UXS1: variants seen among roughly 807,000 people sequenced by gnomAD.
UXS1 encodes UDP-glucuronic acid decarboxylase 1.
Under a neutral mutation model 62.6 loss-of-function variants are expected in UXS1, and 33 were observed. That is an observed-to-expected ratio of 0.53 (90% CI 0.40 to 0.70). The LOEUF (loss-of-function observed/expected upper bound fraction) is 0.70. Among genes scored for constraint, UXS1 ranks in the 30% least tolerant of loss-of-function variants. The pLI, the probability that UXS1 is intolerant of heterozygous loss-of-function variation, is 0.00. For synonymous variants in UXS1, 213 were observed against 206.8 expected (o/e 1.03, Z -0.26); for missense variants, 434 against 556.3 (o/e 0.78, Z 2.21).
intron 9 of UXS1, among the ~76,000 whole-genome samples, chr2:106,117,560 G>C (rs1314367976): frequency 6.6e-6 from 1 of 152,176 alleles, no homozygotes; most frequent in Non-Finnish European, 1.5e-5. Context: ...TTCGCTGACG[G>C]AAGGTTCTAT....
At chr2:106,138,752 C>G in intron 6 of UXS1, 1 of 985,448 alleles carries the variant, frequency 1.0e-6, no homozygotes, top group Non-Finnish European at 1.2e-6. Context: ...AGTTAAGTAG[C>G]GGCACTGCTG....
chr2:106,113,396 T>C (rs183541162), intron 9 of UXS1, among the ~76,000 whole-genome samples: 16 of 152,346 alleles, frequency 1.1e-4, no homozygotes, highest in Admixed American at 9.8e-4. Flanking sequence ...ATACTGACAC[T>C]GTTTAAATAG....
intron 5 of UXS1, among the ~76,000 whole-genome samples, chr2:106,153,238 G>C (rs956208112): frequency 6.6e-6 from 1 of 152,192 alleles, no homozygotes; most frequent in Admixed American, 6.5e-5. Flanking sequence ...CTGCCAAGGG[G>C]ATAGAATTTA....
chr2:106,153,486 G>T (rs531382498), intron 5 of UXS1, among the ~76,000 whole-genome samples: 1 of 151,718 alleles, frequency 6.6e-6, no homozygotes, highest in African/African-American at 2.4e-5. Context: ...TGGCGGGGAC[G>T]GAATAGGAAA....
chr2:106,162,812 G>T (rs2105055604), intron 4 of UXS1, among the ~76,000 whole-genome samples: 1 of 152,300 alleles, frequency 6.6e-6, no homozygotes, highest in East Asian at 1.9e-4. Context: ...TTTGTTTAAT[G>T]ACTCTTCTCC....
At chr2:106,108,343 A>G (rs749415945) in intron 10 of UXS1, among the ~76,000 whole-genome samples, 1 of 152,178 alleles carries the variant, frequency 6.6e-6, no homozygotes, top group Non-Finnish European at 1.5e-5. Flanking sequence ...CCCATCCAAA[A>G]TATCTGTCTT....
chr2:106,124,266 A>G (rs1340293290), intron 8 of UXS1, among the ~76,000 whole-genome samples: 2 of 152,212 alleles, frequency 1.3e-5, no homozygotes, highest in Non-Finnish European at 2.9e-5. Context: ...AGATGGTCAT[A>G]AATTTGACAA....
At chr2:106,113,778 G>A (rs538913192) in intron 9 of UXS1, among the ~76,000 whole-genome samples, 29 of 152,322 alleles carry the variant, frequency 1.9e-4, no homozygotes, top group African/African-American at 6.7e-4. Context: ...CTGCGCCCAT[G>A]TGTCCGCCGT....
intron 1 of UXS1, among the ~76,000 whole-genome samples, chr2:106,191,808 A>C (rs1347837894): frequency 6.6e-6 from 1 of 152,236 alleles, no homozygotes; most frequent in Non-Finnish European, 1.5e-5. Context: ...TTGATTCCTC[A>C]ACAAAACAAA....
chr2:106,186,204 A>C (rs1684537699), intron 1 of UXS1, among the ~76,000 whole-genome samples: 1 of 152,172 alleles, frequency 6.6e-6, no homozygotes, highest in African/African-American at 2.4e-5. Context: ...AGGTGGCAAG[A>C]ATCACTCCAC....
intron 1 of UXS1, among the ~76,000 whole-genome samples, chr2:106,170,165 C>T (rs1181471683): frequency 2.0e-5 from 3 of 152,194 alleles, no homozygotes; most frequent in African/African-American, 7.2e-5. Context: ...CCCCTGCAAG[C>T]AGCCCCCTGC....
chr2:106,114,855 C>T (rs1678938597), intron 9 of UXS1, among the ~76,000 whole-genome samples: 1 of 152,210 alleles, frequency 6.6e-6, no homozygotes, highest in Non-Finnish European at 1.5e-5. Flanking sequence ...AGACAAGCTA[C>T]TCATGAAGCC....
intron 5 of UXS1, among the ~76,000 whole-genome samples, chr2:106,146,729 G>A (rs1431473886): frequency 3.1e-5 from 4 of 127,360 alleles, no homozygotes; most frequent in Admixed American, 9.3e-5. Flanking sequence ...GCAGTGGATC[G>A]TACCACTGCA....
At position 106,093,531 on chromosome 2, in the gene UXS1, G is replaced by A. The variant is rs1676830214; in HGVS notation, c.*495C>T. ...CTCTGAATTAAAAGAGAAACATAAA[G>A]CTCTCACACAGAATTCTTTTATCTG... On this transcript the variant is annotated 3_prime_UTR_variant, in exon 15 of 15. Coordinates refer to ENST00000283148, the MANE Select transcript of UXS1 (RefSeq NM_001253875.2). 2 of 152,572 alleles carry A rather than the reference G, an allele frequency of 1.3e-5. No individual in the cohort carries two copies. Among genetic ancestry groups the A allele is most frequent in the Admixed American group, 1.3e-4 (2 of 15,256 alleles). 9.5% of individuals were successfully genotyped at this position (152,572 alleles called of 1,614,324 possible).
At chr2:106,168,411 T>C (rs535253890) in intron 1 of UXS1, among the ~76,000 whole-genome samples, 10 of 152,162 alleles carry the variant, frequency 6.6e-5, no homozygotes, top group South Asian at 2.1e-4. Context: ...GAAATAACCA[T>C]AAAAATGGGC....
intron 6 of UXS1, among the ~76,000 whole-genome samples, chr2:106,141,956 C>T (rs891825074): frequency 6.6e-6 from 1 of 151,820 alleles, no homozygotes; most frequent in Admixed American, 6.6e-5. Flanking sequence ...CTGCAACCTC[C>T]ACATTCTGGG....
intron 9 of UXS1, among the ~76,000 whole-genome samples, chr2:106,119,313 T>C (rs1373119208): frequency 6.6e-6 from 1 of 151,946 alleles, no homozygotes; most frequent in Non-Finnish European, 1.5e-5. Context: ...AGCCAGGGAG[T>C]GTGGGGAGGA....
intron 13 of UXS1, chr2:106,097,648 G>C (rs1677229942): frequency 4.7e-6 from 1 of 213,482 alleles, no homozygotes; most frequent in African/African-American, 2.2e-5. Flanking sequence ...CCTGATCTGG[G>C]GGCCTGGGCT....
At chr2:106,165,307 A>G (rs1226602350) in intron 2 of UXS1, among the ~76,000 whole-genome samples, 1 of 151,864 alleles carries the variant, frequency 6.6e-6, no homozygotes, top group African/African-American at 2.4e-5. Flanking sequence ...GCAAAACCCA[A>G]CTCCACATGA....
Sources: gnomAD v4.1 joint callset for allele counts (sites outside exome capture counted in the v4.1 genomes callset) on GRCh38, gnomAD v4.1.1 for gene constraint, MANE v1.5 for transcripts, NCBI Gene and HGNC (gene_info 2026-07-23, HGNC 2026-07-21) for gene names.